CSMD1: variants seen among roughly 807,000 people sequenced by gnomAD.
CSMD1 encodes CUB and sushi domain-containing protein 1.
A neutral mutation model predicts 417.5 loss-of-function variants in CSMD1; 213 were observed. That is an observed-to-expected ratio of 0.51 (90% CI 0.46 to 0.57). CSMD1 has a LOEUF of 0.57. Ranked by LOEUF, CSMD1 falls within the 20% of genes least tolerant of loss-of-function variation. The probability of loss-of-function intolerance (pLI) is 0.00; values close to 1 mark genes in which losing one functional copy is unlikely to be tolerated. For synonymous variants in CSMD1, 2,862 were observed against 1,736.8 expected (o/e 1.65, Z -16.11); for missense variants, 6,923 against 4,529.7 (o/e 1.53, Z -15.17).
intron 1 of CSMD1, among the ~76,000 whole-genome samples, chr8:4,792,135 A>C (rs757377722): frequency 1.3e-5 from 2 of 152,018 alleles, no homozygotes; most frequent in Non-Finnish European, 2.9e-5. Context: ...CTCTCTCCTT[A>C]TTTTATTCTT....
chr8:3,167,291 G>GAAAAGAAAAAAAAAAA (rs547453018), intron 37 of CSMD1, among the ~76,000 whole-genome samples: 54 of 102,630 alleles, frequency 5.3e-4, no homozygotes, highest in African/African-American at 1.4e-3. Context: ...CTTGGAAAAA[G>GAAAAGAAAAAAAAAAA]AAAAAAAAAA....
chr8:4,199,136 T>C (rs1399870294), intron 3 of CSMD1, among the ~76,000 whole-genome samples: 1 of 152,186 alleles, frequency 6.6e-6, no homozygotes, highest in Non-Finnish European at 1.5e-5. Context: ...CATATATTTG[T>C]ATGAGACTGC....
At chr8:4,148,456 C>G (rs1424489738) in intron 3 of CSMD1, among the ~76,000 whole-genome samples, 1 of 151,874 alleles carries the variant, frequency 6.6e-6, no homozygotes, top group Non-Finnish European at 1.5e-5. Context: ...CAACATGGCA[C>G]ATGTATACAT....
chr8:4,730,060 C>T (rs1809741696), intron 1 of CSMD1, among the ~76,000 whole-genome samples: 1 of 151,998 alleles, frequency 6.6e-6, no homozygotes, highest in Admixed American at 6.6e-5. Context: ...TCAGAATGGC[C>T]AGAGAACAAA....
chr8:3,918,184 G>T (rs1176911098), intron 5 of CSMD1, among the ~76,000 whole-genome samples: 1 of 151,988 alleles, frequency 6.6e-6, no homozygotes, highest in East Asian at 1.9e-4. Flanking sequence ...TCAAAATCCT[G>T]ATTTCATATT....
intron 12 of CSMD1, among the ~76,000 whole-genome samples, chr8:3,450,401 G>A (rs1006160908): frequency 6.6e-6 from 1 of 151,782 alleles, no homozygotes; most frequent in Non-Finnish European, 1.5e-5. Context: ...ATGTTGGTGT[G>A]CTGCACCCAT....
chr8:4,546,422 G>A (rs1425065438), intron 2 of CSMD1, among the ~76,000 whole-genome samples: 1 of 152,124 alleles, frequency 6.6e-6, no homozygotes, highest in African/African-American at 2.4e-5. Flanking sequence ...GTTTGAATCG[G>A]CAGACTGAGT....
chr8:4,833,380 C>G (rs558863522), intron 1 of CSMD1, among the ~76,000 whole-genome samples: 1 of 152,266 alleles, frequency 6.6e-6, no homozygotes, highest in Admixed American at 6.5e-5. Context: ...AGACAACCAG[C>G]TCTCAAGAGA....
intron 2 of CSMD1, among the ~76,000 whole-genome samples, chr8:4,617,086 A>G (rs1585337394): frequency 6.6e-6 from 1 of 152,114 alleles, no homozygotes; most frequent in Non-Finnish European, 1.5e-5. Flanking sequence ...TTAAGACTCT[A>G]TATTTTTTCA....
intron 26 of CSMD1, among the ~76,000 whole-genome samples, chr8:3,257,898 A>T (rs959055693): frequency 2.0e-5 from 3 of 152,104 alleles, no homozygotes; most frequent in African/African-American, 7.2e-5. Context: ...TGAAAATGTT[A>T]CAAGGGCGTG....
Position 3,961,494 on chromosome 8 carries a change from G to A in CSMD1, c.818+36409C>T, listed in dbSNP as rs141038467. Among the ~76,000 whole-genome samples, 179 of 152,184 alleles carry A rather than the reference G, an allele frequency of 1.2e-3. 1 individual carries two copies. The highest frequency in any genetic ancestry group is 3.7e-3 in the African/African-American group (155 of 41,532). On this transcript the variant is annotated intron_variant, in intron 5 of 69. Coordinates refer to ENST00000635120, the MANE Select transcript of CSMD1 (RefSeq NM_033225.6). ...ATTTTAAAAGTCTAGCCCCATATGCGTTCATTATTAAGATTTTGTTCTTGC... is the reference window on the plus strand; with the variant it reads ...ATTTTAAAAGTCTAGCCCCATATGCATTCATTATTAAGATTTTGTTCTTGC...
chr8:3,936,809 G>T (rs926098391), intron 5 of CSMD1, among the ~76,000 whole-genome samples: 1 of 152,136 alleles, frequency 6.6e-6, no homozygotes, highest in Non-Finnish European at 1.5e-5. Context: ...TAAGAAATAT[G>T]TTTCATAAGG....
intron 1 of CSMD1, among the ~76,000 whole-genome samples, chr8:4,717,471 C>T (rs966928203): frequency 1.6e-4 from 24 of 148,142 alleles, no homozygotes; most frequent in Non-Finnish European, 2.8e-4. Context: ...TATATATATA[C>T]ACACACACCC....
At chr8:3,120,814 T>C (rs764007087) in intron 41 of CSMD1, among the ~76,000 whole-genome samples, 1 of 152,022 alleles carries the variant, frequency 6.6e-6, no homozygotes, top group Non-Finnish European at 1.5e-5. Flanking sequence ...GCCACTGCAC[T>C]CCAGCCTGGC....
At chr8:4,476,095 A>G (rs1490801291) in intron 2 of CSMD1, among the ~76,000 whole-genome samples, 3 of 151,932 alleles carry the variant, frequency 2.0e-5, no homozygotes, top group Non-Finnish European at 4.4e-5. Context: ...TATATTTAAT[A>G]CATAATAGAT....
At chr8:4,524,622 A>C (rs1796419200) in intron 2 of CSMD1, among the ~76,000 whole-genome samples, 1 of 148,736 alleles carries the variant, frequency 6.7e-6, no homozygotes, top group South Asian at 2.1e-4. Flanking sequence ...CACCTAGTGA[A>C]GTATTTATTA....
intron 3 of CSMD1, among the ~76,000 whole-genome samples, chr8:4,376,311 G>A (rs921889938): frequency 1.3e-5 from 2 of 152,268 alleles, no homozygotes; most frequent in Non-Finnish European, 2.9e-5. Context: ...TAGAAAGTCA[G>A]GACATTTTCA....
At chr8:3,307,122 G>GCAA (rs1477442857) in intron 25 of CSMD1, among the ~76,000 whole-genome samples, 4 of 152,182 alleles carry the variant, frequency 2.6e-5, no homozygotes, top group Non-Finnish European at 5.9e-5. Flanking sequence ...AAGAACAGTA[G>GCAA]AGTGTATTTC....
chr8:4,231,746 G>C (rs748570747), intron 3 of CSMD1, among the ~76,000 whole-genome samples: 2 of 152,114 alleles, frequency 1.3e-5, no homozygotes, highest in South Asian at 2.1e-4. Flanking sequence ...CATGGAAAAA[G>C]TAAATAACAC....
Sources: allele counts gnomAD v4.1 joint callset (sites outside exome capture counted in the v4.1 genomes callset), GRCh38; gene constraint gnomAD v4.1.1; transcripts MANE v1.5; gene names NCBI Gene and HGNC (gene_info 2026-07-23, HGNC 2026-07-21).